HOXB9: variants seen among roughly 807,000 people sequenced by gnomAD.
HOXB9 encodes homeobox B9, also known as homeobox protein Hox-B9.
In HOXB9, 10 loss-of-function variants were observed where a neutral mutation model predicts 21.5. The observed-to-expected ratio is 0.47, with a 90% CI of 0.29 to 0.79. The LOEUF is 0.79. Ranked by LOEUF, HOXB9 falls within the 30% of genes least tolerant of loss-of-function variation. The pLI, the probability that HOXB9 is intolerant of heterozygous loss-of-function variation, is 0.10. For missense variants in HOXB9, 375 were observed against 338.7 expected (o/e 1.11, Z -0.84); for synonymous variants, 156 against 151.2 (o/e 1.03, Z -0.23).
At chr17:48,625,671 T>C (rs2070806464) in intron 1 of HOXB9, 82 bp downstream of exon 1, 5 of 1,400,468 alleles carry the variant, frequency 3.6e-6, no homozygotes, top group Non-Finnish European at 4.7e-6. Flanking sequence ...TCCCTTCACA[T>C]TGTCCGCAGT....
chr17:48,624,350 A>G (rs913585979), intron 1 of HOXB9, among the ~76,000 whole-genome samples: 1 of 152,144 alleles, frequency 6.6e-6, no homozygotes, highest in African/African-American at 2.4e-5. Context: ...AGAGGGAAAA[A>G]ACTGTTAATA....
chr17:48,623,028 A>G lies in HOXB9; in HGVS notation c.625T>C (p.Tyr209His). The G allele has an allele frequency of 6.2e-7, 1 of 1,614,162 alleles. No individual in the cohort carries two copies. Among genetic ancestry groups the G allele is most frequent in the Non-Finnish European group, 8.5e-7 (1 of 1,179,982 alleles). The change falls in exon 2 of 2, where the codon TAC (tyrosine) becomes CAC (histidine). Residue 209 changes from tyrosine to histidine, a missense_variant. By Grantham distance (83) the Tyr-to-His change is moderately conservative. Coordinates refer to ENST00000311177, the MANE Select transcript of HOXB9 (RefSeq NM_024017.5). ...ELEKEFLFNM[Y>H]LTRDRRHEVA... ...TCGTGCCTACGGTCCCTGGTGAGGT[A>G]CATATTGAACAGAAACTCCTTCTCT... is the stretch of plus-strand genomic sequence containing the variant.
chr17:48,622,518 T>TG lies in HOXB9; in HGVS notation c.*381dup. 5.0e-6 allele frequency: 1 copy of TG among 199,746 alleles called. No individual in the cohort carries two copies. Among genetic ancestry groups the TG allele is most frequent in the Non-Finnish European group, 1.0e-5 (1 of 97,456 alleles). The allele number at this position is 199,746 out of a possible 1,614,324, so 12.4% of individuals were successfully genotyped here. ...TCTGCTGAGCTGTGTAGAGTTGGAG[T>TG]GTCCCTGGGTGACTTTTGGGTGGGT... On this transcript the variant is annotated 3_prime_UTR_variant, in exon 2 of 2. Transcript: ENST00000311177.
chr17:48,623,285 GCC>G (rs1489132509), intron 1 of HOXB9, 150 bp from the exon 2 acceptor site: 2 of 626,908 alleles, frequency 3.2e-6, no homozygotes, highest in African/African-American at 3.7e-5. Context: ...TCACAGATGG[GCC>G]AGCCATTGCT....
chr17:48,626,138 G>A lies in HOXB9; in HGVS notation c.132C>T (p.His44=), dbSNP rs2070814167. Residue 44 remains histidine, a synonymous_variant, in exon 1 of 2, where the codon CAC becomes CAT. Coordinates refer to ENST00000311177, the MANE Select transcript of HOXB9 (RefSeq NM_024017.5). ...GGAAGCTGCACGAGGGGAACTCCAG[G>A]TGCTCCGCGTGGCCCGGCTGCCGCG... The part of the protein sequence containing the change: ...ASSRQPGHAE[H]LEFPSCSFQP... 1 of 1,592,342 alleles carries A rather than the reference G, an allele frequency of 6.3e-7. No individual in the cohort carries two copies. Among genetic ancestry groups the A allele is most frequent in the Non-Finnish European group, 8.5e-7 (1 of 1,176,208 alleles).
rs2070816972 is a variant in HOXB9, at chr17:48,626,347, C to T, written c.-78G>A. 4 of 1,471,434 alleles carry T rather than the reference C, an allele frequency of 2.7e-6. No homozygotes were observed. The highest frequency in any genetic ancestry group is 3.6e-6 in the Non-Finnish European group (4 of 1,099,870). The allele number at this position is 1,471,434 out of a possible 1,614,324, so 91.1% of individuals were successfully genotyped here. ...GCGCCCAAGCAGGGAGAGGTGGCAC[C>T]CGGACCGGTGTGAGGGCTTTCGGAC... is the stretch of plus-strand genomic sequence containing the variant. On this transcript the variant is annotated 5_prime_UTR_variant, in exon 1 of 2. Coordinates refer to ENST00000311177, the MANE Select transcript of HOXB9 (RefSeq NM_024017.5).
At position 48,623,172 on chromosome 17, in the gene HOXB9, G is replaced by A. The variant is rs545331752; in HGVS notation, c.518-37C>T. The stretch of plus-strand genomic sequence containing the variant: ...GCAGCGATAGAATCAAAGAAAGGAA[G>A]GGGGTGAAGGGCCCCAGATCAAGAG... On this transcript the variant is annotated intron_variant, in intron 1 of 1. Coordinates refer to ENST00000311177, the MANE Select transcript of HOXB9 (RefSeq NM_024017.5). The A allele has an allele frequency of 7.2e-5, 110 of 1,535,524 alleles. 1 individual carries two copies. In the South Asian group the frequency reaches 1.1e-3, roughly 15 times the overall value.
At position 48,623,062 on chromosome 17, in the gene HOXB9, C is replaced by T. The variant is rs1222029052; in HGVS notation, c.591G>A (p.Thr197=). The change falls in exon 2 of 2, where the codon ACG becomes ACA. Residue 197 remains threonine, a synonymous_variant. Coordinates refer to ENST00000311177, the MANE Select transcript of HOXB9 (RefSeq NM_024017.5). ...KKRCPYTKYQ[T]LELEKEFLFN... The stretch of plus-strand genomic sequence containing the variant: ...ACAGAAACTCCTTCTCTAGCTCCAG[C>T]GTCTGGTATTTGGTGTAGGGACAGC... 3 of 1,614,230 alleles carry T rather than the reference C, an allele frequency of 1.9e-6. No individual in the cohort carries two copies. Among genetic ancestry groups the T allele is most frequent in the South Asian group, 1.1e-5 (1 of 91,082 alleles).
intron 1 of HOXB9, 94 bp from the exon 2 acceptor site, chr17:48,623,229 C>T: frequency 2.0e-6 from 2 of 1,011,968 alleles, no homozygotes; most frequent in Non-Finnish European, 3.0e-6. Flanking sequence ...CCCCATCTTG[C>T]ACTGGAGAAG....
Position 48,622,947 on chromosome 17 carries a change from G to A in HOXB9, c.706C>T (p.Arg236Trp), listed in dbSNP as rs747302611. Reference protein sequence around the residue: ...ERQVKIWFQNRRMKMKKMNKE... With the variant: ...ERQVKIWFQNWRMKMKKMNKE... ...TTCATTTTCTTCATTTTCATCCGCC[G>A]GTTCTGAAACCAGATTTTGACTTGT... The change falls in exon 2 of 2, where the codon CGG (arginine) becomes TGG (tryptophan). Residue 236 changes from arginine to tryptophan, a missense_variant. Physicochemically the swap from Arg to Trp is moderately radical, Grantham distance 101 (BLOSUM62 -3). Transcript: ENST00000311177. The A allele has an allele frequency of 8.7e-6, 14 of 1,614,016 alleles. No individual in the cohort carries two copies. The highest frequency in any genetic ancestry group is 5.3e-5 in the African/African-American group (4 of 74,898).
Position 48,623,130 on chromosome 17 carries a change from G to C in HOXB9, c.523C>G (p.Pro175Ala). ...EDKERPDQTN[P>A]SANWLHARSS... ...CGAGCGTGCAGCCAGTTGGCGGAGG[G>C]GTTGGCTGAAAGAGAAGCAGCGATA... The change falls in exon 2 of 2, where the codon CCC (proline) becomes GCC (alanine). Residue 175 changes from proline to alanine, a missense_variant. Pro to Ala is a conservative substitution (Grantham distance 27). Transcript: ENST00000311177. 2 of 1,612,316 alleles carry C rather than the reference G, an allele frequency of 1.2e-6. No homozygotes were observed. The highest frequency in any genetic ancestry group is 1.7e-6 in the Non-Finnish European group (2 of 1,179,268).
rs11653263 is a variant in HOXB9, at chr17:48,621,248, T to G, written c.*1652A>C. The G allele has an allele frequency of 1.3e-5, 2 of 150,242 alleles. No homozygotes were observed. 9.3% of individuals were successfully genotyped at this position (150,242 alleles called of 1,614,324 possible). On this transcript the variant is annotated 3_prime_UTR_variant, in exon 2 of 2. Coordinates refer to ENST00000311177, the MANE Select transcript of HOXB9 (RefSeq NM_024017.5). ...GCTCTAGGCCCCTCGCCCTCCCCAC[T>G]CCCACCCAGAACCCTCCCATATAAT...
intron 1 of HOXB9, among the ~76,000 whole-genome samples, chr17:48,625,020 G>A (rs1057515209): frequency 6.6e-6 from 1 of 152,228 alleles, no homozygotes; most frequent in Non-Finnish European, 1.5e-5. Flanking sequence ...GAGAGCAGCG[G>A]GGGACCGCAG....
Position 48,622,820 on chromosome 17 carries a change from C to G in HOXB9, c.*80G>C, listed in dbSNP as rs1219337051. The G allele has an allele frequency of 4.9e-6, 5 of 1,030,208 alleles. No homozygotes were observed. Among genetic ancestry groups the G allele is most frequent in the African/African-American group, 3.1e-5 (2 of 63,778 alleles). 63.8% of individuals were successfully genotyped at this position (1,030,208 alleles called of 1,614,324 possible). A position where few individuals can be genotyped will look rare whatever the true frequency, so the allele number is the denominator to read the frequency against. ...CCCATTCACTTGAATACATCCCAGACAGCACTGGCTTTGCAGTCGTCACAT... is the reference window on the plus strand; with the variant it reads ...CCCATTCACTTGAATACATCCCAGAGAGCACTGGCTTTGCAGTCGTCACAT... On this transcript the variant is annotated 3_prime_UTR_variant, in exon 2 of 2. Transcript: ENST00000311177.
At position 48,625,971 on chromosome 17, in the gene HOXB9, T is replaced by G; in HGVS notation, c.299A>C (p.Glu100Ala). 1 of 1,505,042 alleles carries G rather than the reference T, an allele frequency of 6.6e-7. No individual in the cohort carries two copies. Among genetic ancestry groups the G allele is most frequent in the Non-Finnish European group, 8.8e-7 (1 of 1,136,552 alleles). The allele number at this position is 1,505,042 out of a possible 1,614,324, so 93.2% of individuals were successfully genotyped here. A position where few individuals can be genotyped will look rare whatever the true frequency, so the allele number is the denominator to read the frequency against. Residue 100 changes from glutamate to alanine, a missense_variant, in exon 1 of 2, where the codon GAG becomes GCG. Physicochemically the swap from Glu to Ala is moderately radical, Grantham distance 107 (BLOSUM62 -1). Transcript: ENST00000311177. ...GGCCGCTTCGCCGCGCGGCGCCGGC[T>G]CCAGCCAGGTGCGGAGGTACCTGCT... ...AESRYLRTWL[E>A]PAPRGEAAPG...
rs546650967 is a variant in HOXB9 at position 48,626,168 on chromosome 17, C to T, written c.102G>A (p.Ala34=). The T allele has an allele frequency of 2.5e-5, 40 of 1,598,364 alleles. No individual in the cohort carries two copies. The South Asian group carries it at 3.2e-4, about 13-fold the overall frequency. Residue 34 remains alanine, a synonymous_variant, in exon 1 of 2, where the codon GCG becomes GCA. Transcript: ENST00000311177. ...CCGCGTGGCCCGGCTGCCGCGAGCT[C>T]GCGTACTGGCCAGAAGGAAACTTGG... ...PPAKFPSGQY[A]SSRQPGHAEH... is the part of the protein sequence containing the mutation.
At chr17:48,623,839 G>C (rs2070790736) in intron 1 of HOXB9, among the ~76,000 whole-genome samples, 1 of 152,216 alleles carries the variant, frequency 6.6e-6, no homozygotes, top group African/African-American at 2.4e-5. Context: ...GGACAGGGGA[G>C]CACTGGGGGC....
rs1439668384 is a variant in HOXB9 at position 48,623,103 on chromosome 17, A to G, written c.550T>C (p.Ser184Pro). 3 of 1,613,828 alleles carry G rather than the reference A, an allele frequency of 1.9e-6. No homozygotes were observed. The highest frequency in any genetic ancestry group is 2.2e-5 in the South Asian group (2 of 90,962). The change falls in exon 2 of 2, where the codon TCT (serine) becomes CCT (proline). Residue 184 changes from serine to proline, a missense_variant. Coordinates refer to ENST00000311177, the MANE Select transcript of HOXB9 (RefSeq NM_024017.5). Reference protein sequence around the residue: ...NPSANWLHARSSRKKRCPYTK... With the variant: ...NPSANWLHARPSRKKRCPYTK... Reference sequence around the variant, plus strand: ...TAGGGACAGCGCTTTTTCCGGGAAGAGCGAGCGTGCAGCCAGTTGGCGGAG... The same window carrying G: ...TAGGGACAGCGCTTTTTCCGGGAAGGGCGAGCGTGCAGCCAGTTGGCGGAG...
Position 48,626,279 on chromosome 17 carries a change from T to C in HOXB9, c.-10A>G. On this transcript the variant is annotated 5_prime_UTR_variant, in exon 1 of 2. It removes an upstream start codon present in the reference 5' UTR. Transcript: ENST00000311177. ...TCCCAGAAATGGACATTCTCAGACA[T>C]TATCCGGGCGCTTGCAGGGGGAAGG... 1 of 1,574,400 alleles carries C rather than the reference T, an allele frequency of 6.4e-7. No individual in the cohort carries two copies. The highest frequency in any genetic ancestry group is 8.6e-7 in the Non-Finnish European group (1 of 1,163,852).
Sources: allele counts gnomAD v4.1 joint callset (sites outside exome capture counted in the v4.1 genomes callset), GRCh38; gene constraint gnomAD v4.1.1; transcripts MANE v1.5; gene names NCBI Gene and HGNC (gene_info 2026-07-23, HGNC 2026-07-21).